Variants in CISD2 observed in about 807,000 individuals in gnomAD.
CISD2 encodes the protein CDGSH iron-sulfur domain-containing protein 2.
A neutral mutation model predicts 12.9 loss-of-function variants in CISD2; 1 was observed. That is an observed-to-expected ratio of 0.08 (90% confidence interval 0.03 to 0.37). The LOEUF (loss-of-function observed/expected upper bound fraction) is 0.37. CISD2 is among the 10% of genes least tolerant of loss of function. CISD2 has a pLI of 0.99. For missense variants in CISD2, 97 were observed against 163.1 expected (o/e 0.59, Z 2.21); for synonymous variants, 50 against 60.6 (o/e 0.83, Z 0.81).
rs1169020693 is a variant in CISD2 at position 102,887,524 on chromosome 4, A to G, written c.*94A>G. 8.3e-5 allele frequency: 58 copies of G among 698,352 alleles called. No homozygotes were observed. The highest frequency in any genetic ancestry group is 7.9e-4 in the Middle Eastern group (2 of 2,524). 43.3% of individuals were successfully genotyped at this position (698,352 alleles called of 1,614,324 possible). ...ACTGGTTGAACAATTATTTCTTCCA[A>G]TTTATTTTCTTCCTGCACTACTGTT... On this transcript the variant is annotated 3_prime_UTR_variant, in exon 3 of 3. Coordinates refer to ENST00000273986, the MANE Select transcript of CISD2 (RefSeq NM_001008388.5).
At position 102,891,115 on chromosome 4, in the gene CISD2, CT is replaced by C. The variant is rs1330248732; in HGVS notation, c.*3686del. ...ACATCTACTTTATTAACAATTTTCC[CT>C]CTGTTAAACTAATATCGACTAATAG... On this transcript the variant is annotated 3_prime_UTR_variant, in exon 3 of 3. Transcript: ENST00000273986. The C allele has an allele frequency of 1.3e-5, 2 of 151,098 alleles. No individual in the cohort carries two copies. The highest frequency in any genetic ancestry group is 2.9e-5 in the Non-Finnish European group (2 of 67,994). The allele number at this position is 151,098 out of a possible 1,614,324, so 9.4% of individuals were successfully genotyped here.
At chr4:102,873,821 C>T (rs941365127) in intron 1 of CISD2, among the ~76,000 whole-genome samples, 2 of 150,462 alleles carry the variant, frequency 1.3e-5, no homozygotes, top group African/African-American at 4.9e-5. Context: ...GAACAACTCA[C>T]ATTTAAAAAT....
In CISD2 at chr4:102,876,014, G is replaced by T. The variant is rs189901838; in HGVS notation, c.103+6827G>T. On this transcript the variant is annotated intron_variant, in intron 1 of 2. Coordinates refer to ENST00000273986, the MANE Select transcript of CISD2 (RefSeq NM_001008388.5). ...CAGCCACCCTACTGCTTTGCCCCAG[G>T]TTAGTTTTTCTCTTATGTCATCCTT... Among the ~76,000 whole-genome samples the T allele has an allele frequency of 1.8e-3, 273 of 152,190 alleles. 3 individuals carry two copies. The highest frequency in any genetic ancestry group is 1.1e-3 in the Non-Finnish European group (72 of 68,010).
chr4:102,877,554 C>T (rs569075364), intron 1 of CISD2, among the ~76,000 whole-genome samples: 1 of 152,312 alleles, frequency 6.6e-6, no homozygotes, highest in South Asian at 2.1e-4. Context: ...TTAGATATAC[C>T]ATTCTGGGGT....
chr4:102,874,116 ACT>A (rs941415986), intron 1 of CISD2, among the ~76,000 whole-genome samples: 1 of 142,220 alleles, frequency 7.0e-6, no homozygotes, highest in African/African-American at 2.8e-5. Flanking sequence ...ACAGAGTAAG[ACT>A]CTGTCTTCAA....
intron 2 of CISD2, among the ~76,000 whole-genome samples, chr4:102,886,269 A>T (rs965181850): frequency 6.6e-6 from 1 of 152,110 alleles, no homozygotes; most frequent in Non-Finnish European, 1.5e-5. Flanking sequence ...CAGGTGGATC[A>T]CCAGGTCAGG....
At chr4:102,885,829 G>A (rs1733882350) in intron 2 of CISD2, among the ~76,000 whole-genome samples, 1 of 152,158 alleles carries the variant, frequency 6.6e-6, no homozygotes, top group Non-Finnish European at 1.5e-5. Context: ...TTCAGGGTTT[G>A]TTTTAACCTG....
At chr4:102,880,617 G>A (rs1443812487) in intron 1 of CISD2, among the ~76,000 whole-genome samples, 5 of 151,978 alleles carry the variant, frequency 3.3e-5, no homozygotes, top group Admixed American at 3.3e-4. Flanking sequence ...GGCAGAGGTT[G>A]CAGTGAGCCA....
At chr4:102,876,723 G>A (rs956837261) in intron 1 of CISD2, among the ~76,000 whole-genome samples, 8 of 151,856 alleles carry the variant, frequency 5.3e-5, no homozygotes, top group African/African-American at 7.3e-5. Flanking sequence ...GCACTCCAGC[G>A]TGGTGACAGA....
At chr4:102,875,112 C>A (rs1457396514) in intron 1 of CISD2, among the ~76,000 whole-genome samples, 1 of 152,242 alleles carries the variant, frequency 6.6e-6, no homozygotes, top group Non-Finnish European at 1.5e-5. Context: ...TAAATTCTAA[C>A]AATACTATGG....
At chr4:102,882,116 C>T (rs969786190) in intron 1 of CISD2, among the ~76,000 whole-genome samples, 3 of 152,066 alleles carry the variant, frequency 2.0e-5, no homozygotes, top group East Asian at 1.9e-4. Flanking sequence ...AGCTTGTGCC[C>T]GGGAGGTGGA....
At chr4:102,869,697 A>G (rs1030673853) in intron 1 of CISD2, among the ~76,000 whole-genome samples, 6 of 151,892 alleles carry the variant, frequency 4.0e-5, no homozygotes, top group African/African-American at 1.5e-4. Flanking sequence ...TTAGGAGATA[A>G]CCTCCATTCC....
rs907779209 is a variant in CISD2 at position 102,869,274 on chromosome 4, G to A, written c.103+87G>A. 7.9e-6 allele frequency: 12 copies of A among 1,511,876 alleles called. No homozygotes were observed. The South Asian group carries it at 9.6e-5, about 12-fold the overall frequency. 93.7% of individuals were successfully genotyped at this position (1,511,876 alleles called of 1,614,324 possible). ...GTAAAAATCCTAGGGCCAAGGGGCG[G>A]GACGGAGCTCGGCGCCTGGCACGTG... On this transcript the variant is annotated intron_variant, in intron 1 of 2. Transcript: ENST00000273986.
At chr4:102,869,285 G>T in intron 1 of CISD2, 98 bp downstream of exon 1, 1 of 1,478,242 alleles carries the variant, frequency 6.8e-7, no homozygotes. Context: ...GACGGAGCTC[G>T]GCGCCTGGCA....
rs1298706082 is a variant in CISD2 at position 102,888,204 on chromosome 4, A to G, written c.*774A>G. On this transcript the variant is annotated 3_prime_UTR_variant, in exon 3 of 3. Transcript: ENST00000273986. ...ACATAAGACATTAATTCATATTAAA[A>G]TAGTTCAGTGTTCAAAATTGTGTTT... The G allele has an allele frequency of 6.6e-6, 1 of 152,222 alleles. No individual in the cohort carries two copies. The highest frequency in any genetic ancestry group is 1.5e-5 in the Non-Finnish European group (1 of 68,056). 9.4% of individuals were successfully genotyped at this position (152,222 alleles called of 1,614,324 possible). A position where few individuals can be genotyped will look rare whatever the true frequency, so the allele number is the denominator to read the frequency against.
In CISD2 at chr4:102,887,307, A is replaced by T. The variant is rs759322079; in HGVS notation, c.319-34A>T. 53 of 1,135,924 alleles carry T rather than the reference A, an allele frequency of 4.7e-5. No individual in the cohort carries two copies. The South Asian group carries it at 5.3e-4, about 11-fold the overall frequency. The allele number at this position is 1,135,924 out of a possible 1,614,324, so 70.4% of individuals were successfully genotyped here. A position where few individuals can be genotyped will look rare whatever the true frequency, so the allele number is the denominator to read the frequency against. ...GTTTCTACCTAATGAATCATATTTT[A>T]AAAATAACACTTGTAATTCTTTTTT... On this transcript the variant is annotated intron_variant, in intron 2 of 2. Coordinates refer to ENST00000273986, the MANE Select transcript of CISD2 (RefSeq NM_001008388.5).
rs781626534 is a variant in CISD2, at chr4:102,885,263, C to T, written c.151C>T (p.Leu51Phe). The T allele has an allele frequency of 6.2e-7, 1 of 1,614,126 alleles. No individual in the cohort carries two copies. The highest frequency in any genetic ancestry group is 1.7e-5 in the Admixed American group (1 of 60,016). Residue 51 changes from leucine to phenylalanine, a missense_variant, in exon 2 of 3, where the codon CTT (leucine) becomes TTT (phenylalanine). Leu to Phe is a conservative substitution (Grantham distance 22). Around this residue, in one of 2 missense-constraint regions of CISD2, gnomAD observed 89 missense variants for 114.4 expected, o/e 0.78. Coordinates refer to ENST00000273986, the MANE Select transcript of CISD2 (RefSeq NM_001008388.5). ...GCCTTTCCTTGGTGTACTCGCACTT[C>T]TTGGCTACCTTGCAGTTCGTCCATT... is the stretch of plus-strand genomic sequence containing the variant. ...LLPFLGVLAL[L>F]GYLAVRPFLP...
Position 102,890,669 on chromosome 4 carries a change from C to A in CISD2, c.*3239C>A, listed in dbSNP as rs1256582423. ...CAGCTTGGGCAACGTGGTGAGATCT[C>A]ATCTCTACAGAAAAATGCAAAAATT... is the stretch of plus-strand genomic sequence containing the variant. On this transcript the variant is annotated 3_prime_UTR_variant, in exon 3 of 3. Transcript: ENST00000273986. 6.6e-6 allele frequency: 1 copy of A among 151,690 alleles called. No individual in the cohort carries two copies. Among genetic ancestry groups the A allele is most frequent in the Non-Finnish European group, 1.5e-5 (1 of 67,942 alleles). The allele number at this position is 151,690 out of a possible 1,614,324, so 9.4% of individuals were successfully genotyped here. A position where few individuals can be genotyped will look rare whatever the true frequency, so the allele number is the denominator to read the frequency against.
intron 1 of CISD2, among the ~76,000 whole-genome samples, chr4:102,876,270 C>G (rs1269812356): frequency 2.6e-5 from 4 of 152,118 alleles, no homozygotes; most frequent in Admixed American, 2.6e-4. Flanking sequence ...AACCTGGTTC[C>G]AAGTATATGA....
Sources: gnomAD v4.1 joint callset for allele counts (sites outside exome capture counted in the v4.1 genomes callset) on GRCh38, gnomAD v4.1.1 for gene constraint, gnomAD v4.1.1 regional missense constraint, MANE v1.5 for transcripts, NCBI Gene and HGNC (gene_info 2026-07-23, HGNC 2026-07-21) for gene names.